Variants in ATXN8OS observed in about 807,000 individuals in gnomAD.
The protein encoded by ATXN8OS is ATXN8 opposite strand lncRNA.
At chr13:70,156,816 A>G (rs1258844167) in intron 4 of ATXN8OS, among the ~76,000 whole-genome samples, 1 of 152,000 alleles carries the variant, frequency 6.6e-6, no homozygotes, top group Non-Finnish European at 1.5e-5. Context: ...TTTTAATTTG[A>G]TTTACCAATA....
chr13:70,147,009 A>G (rs1194592651), intron 3 of ATXN8OS, among the ~76,000 whole-genome samples: 1 of 152,216 alleles, frequency 6.6e-6, no homozygotes, highest in East Asian at 1.9e-4. Flanking sequence ...ATGATTTTTC[A>G]TATAAAATTA....
At chr13:70,170,062 C>T (rs1889127438) in exon 5 of ATXN8OS, among the ~76,000 whole-genome samples, 1 of 152,154 alleles carries the variant, frequency 6.6e-6, no homozygotes, top group Non-Finnish European at 1.5e-5. Flanking sequence ...AAAGCATCGA[C>T]TACACTCACA....
chr13:70,134,918 T>C (rs189602497), intron 3 of ATXN8OS, among the ~76,000 whole-genome samples: 123 of 152,322 alleles, frequency 8.1e-4, no homozygotes, highest in African/African-American at 2.9e-3. Context: ...CGGGAAAAGA[T>C]ATCCCCACAC....
exon 5 of ATXN8OS, among the ~76,000 whole-genome samples, chr13:70,170,058 T>C (rs993185620): frequency 6.6e-6 from 1 of 152,170 alleles, no homozygotes; most frequent in Non-Finnish European, 1.5e-5. Flanking sequence ...AGAGAAAGCA[T>C]CGACTACACT....
At chr13:70,149,599 T>C (rs9592680) in intron 4 of ATXN8OS, among the ~76,000 whole-genome samples, 28,862 of 152,146 alleles carry the variant, frequency 0.19, 2,997 homozygotes, top group East Asian at 0.25. Flanking sequence ...GTCATAACTA[T>C]AGACTAGCAG....
At chr13:70,133,907 A>G (rs963477791) in intron 3 of ATXN8OS, among the ~76,000 whole-genome samples, 6 of 152,214 alleles carry the variant, frequency 3.9e-5, no homozygotes, top group Non-Finnish European at 8.8e-5. Flanking sequence ...GTCCTCTAAG[A>G]TGAGAACAAT....
chr13:70,115,669 C>T (rs1196703092), intron 2 of ATXN8OS, among the ~76,000 whole-genome samples: 1 of 151,998 alleles, frequency 6.6e-6, no homozygotes, highest in Non-Finnish European at 1.5e-5. Context: ...TGGCATGAAA[C>T]ACCAGTAAAT....
chr13:70,136,585 G>A lies in ATXN8OS; in HGVS notation n.499+6701G>A, dbSNP rs148438325. On this transcript the variant is annotated intron_variant and non_coding_transcript_variant, in intron 3 of 4. Transcript: ENST00000678624. ...TTCTTACAATTTTAAAAATCTCCTC[G>A]TATTCAGGAAATCATCAAGACCGCT... 3.4e-4 allele frequency among the ~76,000 whole-genome samples: 51 copies of A among 151,742 alleles called. No homozygotes were observed. The East Asian group carries it at 8.4e-3, about 25-fold the overall frequency.
In ATXN8OS at chr13:70,131,533, T is replaced by G. The variant is rs117340550; in HGVS notation, n.499+1649T>G. The stretch of plus-strand genomic sequence containing the variant: ...TCTCTATATTCCTGTAATTAAATAT[T>G]ACTTTCCCCTCAATGCCTTTGGACT... On this transcript the variant is annotated intron_variant and non_coding_transcript_variant, in intron 3 of 4. Transcript: ENST00000678624. The G allele has an allele frequency of 6.1e-3, 2,416 of 398,440 alleles. 45 individuals are homozygous for G. The highest frequency in any genetic ancestry group is 0.055 in the East Asian group (1,540 of 28,050). 24.7% of individuals were successfully genotyped at this position (398,440 alleles called of 1,614,324 possible).
At chr13:70,124,648 C>A (rs1250556217) in intron 2 of ATXN8OS, among the ~76,000 whole-genome samples, 1 of 152,056 alleles carries the variant, frequency 6.6e-6, no homozygotes, top group African/African-American at 2.4e-5. Flanking sequence ...ATCTCAGTAG[C>A]ACTCAATCCC....
At chr13:70,136,820 A>C (rs184213) in intron 3 of ATXN8OS, among the ~76,000 whole-genome samples, 1 of 152,124 alleles carries the variant, frequency 6.6e-6, no homozygotes. Flanking sequence ...ACTTACAACA[A>C]TATAAAATAA....
chr13:70,165,393 A>T (rs1172613131), intron 4 of ATXN8OS, among the ~76,000 whole-genome samples: 1 of 151,974 alleles, frequency 6.6e-6, no homozygotes, highest in Non-Finnish European at 1.5e-5. Context: ...TTGTATAATC[A>T]GTATTTTTGA....
At chr13:70,144,891 T>C (rs938532182) in intron 3 of ATXN8OS, among the ~76,000 whole-genome samples, 11 of 152,284 alleles carry the variant, frequency 7.2e-5, no homozygotes, top group Admixed American at 5.2e-4. Flanking sequence ...TGCCTTGTTT[T>C]TGGCTAGGTA....
At chr13:70,170,671 A>G (rs1889134149) in exon 5 of ATXN8OS, among the ~76,000 whole-genome samples, 1 of 152,160 alleles carries the variant, frequency 6.6e-6, no homozygotes, top group Admixed American at 6.6e-5. Flanking sequence ...AAGTGTGAAA[A>G]CAATTTTTAA....
At chr13:70,167,516 G>C (rs550139489) in intron 4 of ATXN8OS, among the ~76,000 whole-genome samples, 12 of 151,926 alleles carry the variant, frequency 7.9e-5, no homozygotes, top group South Asian at 4.2e-4. Flanking sequence ...GTTGTGGTGT[G>C]GGGGGAGGGA....
chr13:70,150,746 T>A (rs1250929329), intron 4 of ATXN8OS, among the ~76,000 whole-genome samples: 1 of 152,060 alleles, frequency 6.6e-6, no homozygotes, highest in African/African-American at 2.4e-5. Flanking sequence ...ATTGATGGAG[T>A]ATATTTCTAC....
chr13:70,135,429 C>T (rs1888598670), intron 3 of ATXN8OS, among the ~76,000 whole-genome samples: 1 of 151,836 alleles, frequency 6.6e-6, no homozygotes, highest in Non-Finnish European at 1.5e-5. Context: ...CTCTCTCTCT[C>T]TTTAATTTTA....
intron 1 of ATXN8OS, among the ~76,000 whole-genome samples, chr13:70,109,720 A>G (rs975630857): frequency 6.6e-6 from 1 of 151,868 alleles, no homozygotes; most frequent in Non-Finnish European, 1.5e-5. Flanking sequence ...TAAGCAAAAA[A>G]CCCTTTAAAG....
chr13:70,157,963 G>C (rs1593776571), intron 4 of ATXN8OS, among the ~76,000 whole-genome samples: 1 of 152,126 alleles, frequency 6.6e-6, no homozygotes, highest in South Asian at 2.1e-4. Context: ...AAAATCATTT[G>C]AGCCATGAGA....
Sources: gnomAD v4.1 joint callset for allele counts (sites outside exome capture counted in the v4.1 genomes callset) on GRCh38, gnomAD v4.1.1 for gene constraint, MANE v1.5 for transcripts, NCBI Gene and HGNC (gene_info 2026-07-23, HGNC 2026-07-21) for gene names.